NAA15: variants seen among roughly 807,000 people sequenced by gnomAD.
NAA15 encodes N-terminal acetyltransferase.
In NAA15, 34 loss-of-function variants were observed where a neutral mutation model predicts 114.0. The observed-to-expected ratio is 0.30, with a 90% CI of 0.23 to 0.40. The LOEUF is 0.40. Ranked by LOEUF, NAA15 falls within the 10% of genes least tolerant of loss-of-function variation. The pLI, the probability that NAA15 is intolerant of heterozygous loss-of-function variation, is 1.00. For synonymous variants in NAA15, 340 were observed against 338.0 expected, an observed-to-expected ratio of 1.01 and a Z score of -0.06; for missense variants, 658 against 1,004.5, an observed-to-expected ratio of 0.66 and a Z score of 4.66.
At chr4:139,312,692 A>C (rs1000724547) in intron 1 of NAA15, among the ~76,000 whole-genome samples, 19 of 151,596 alleles carry the variant, frequency 1.3e-4, no homozygotes, top group African/African-American at 4.1e-4. Context: ...AAAAATGAAA[A>C]AGTTACTTGG....
At chr4:139,375,031 TCTGTACCCTA>T (rs149150696) in intron 15 of NAA15, among the ~76,000 whole-genome samples, 1,801 of 152,294 alleles carry the variant, frequency 0.012, 12 homozygotes, top group East Asian at 0.029. Flanking sequence ...CTCATTTCAG[TCTGTACCCTA>T]CTGTACCCTA....
chr4:139,309,106 G>C (rs1378049048), intron 1 of NAA15, among the ~76,000 whole-genome samples: 1 of 151,766 alleles, frequency 6.6e-6, no homozygotes, highest in Non-Finnish European at 1.5e-5. Context: ...CCAGCACTTT[G>C]GGAGGCTGAG....
At chr4:139,358,715 A>G (rs915900333) in intron 11 of NAA15, among the ~76,000 whole-genome samples, 3 of 152,204 alleles carry the variant, frequency 2.0e-5, no homozygotes, top group Non-Finnish European at 4.4e-5. Flanking sequence ...AGAATGAGGA[A>G]CATTGGGGAA....
At chr4:139,371,167 GAAAGGCTCA>G (rs1457188776) in intron 15 of NAA15, among the ~76,000 whole-genome samples, 2 of 152,122 alleles carry the variant, frequency 1.3e-5, no homozygotes, top group African/African-American at 4.8e-5. Flanking sequence ...CACTAGTAAG[GAAAGGCTCA>G]AAATCATTTC....
intron 11 of NAA15, among the ~76,000 whole-genome samples, 171 bp from the exon 12 acceptor site, chr4:139,359,572 T>C (rs1322624479): frequency 6.6e-6 from 1 of 152,240 alleles, no homozygotes; most frequent in East Asian, 1.9e-4. Context: ...GAAAAAGGAA[T>C]CAGAACTTAT....
chr4:139,385,915 T>C (rs1748898616), intron 18 of NAA15, among the ~76,000 whole-genome samples: 3 of 152,230 alleles, frequency 2.0e-5, no homozygotes, highest in Non-Finnish European at 4.4e-5. Context: ...TAGATATATG[T>C]GGTATACCTC....
chr4:139,327,792 A>C (rs999670607), intron 1 of NAA15, among the ~76,000 whole-genome samples: 6 of 151,984 alleles, frequency 3.9e-5, no homozygotes, highest in Non-Finnish European at 8.8e-5. Flanking sequence ...CTGCCTCCCT[A>C]GTAGCTAGCA....
At chr4:139,309,220 C>T (rs965159899) in intron 1 of NAA15, among the ~76,000 whole-genome samples, 2 of 151,278 alleles carry the variant, frequency 1.3e-5, no homozygotes, top group African/African-American at 4.9e-5. Context: ...TGGTTGCAGG[C>T]ACCTGTAATC....
chr4:139,377,315 T>A (rs561830755), intron 16 of NAA15, among the ~76,000 whole-genome samples: 3 of 152,204 alleles, frequency 2.0e-5, no homozygotes, highest in South Asian at 4.1e-4. Flanking sequence ...GGCAGGTGGA[T>A]CACCTGAGGT....
At chr4:139,340,384 G>A (rs1276837613) in intron 3 of NAA15, among the ~76,000 whole-genome samples, 1 of 152,108 alleles carries the variant, frequency 6.6e-6, no homozygotes. Flanking sequence ...TTTTATATGT[G>A]GCTGAGTTTT....
At chr4:139,379,281 T>C (rs1456000110) in intron 17 of NAA15, 1 of 152,746 alleles carries the variant, frequency 6.5e-6, no homozygotes, top group African/African-American at 2.4e-5. Flanking sequence ...ATAAAATTTT[T>C]TGTTACTTTA....
chr4:139,332,667 C>G lies in NAA15; in HGVS notation c.55-1507C>G, dbSNP rs1747061971. 5.1e-5 allele frequency among the ~76,000 whole-genome samples: 7 copies of G among 136,236 alleles called. No individual in the cohort carries two copies. The South Asian group carries it at 1.8e-3, about 35-fold the overall frequency. 89.4% of individuals were successfully genotyped at this position (136,236 alleles called of 152,430 possible). On this transcript the variant is annotated intron_variant, in intron 1 of 19. Coordinates refer to ENST00000296543, the MANE Select transcript of NAA15 (RefSeq NM_057175.5). ...GTGCGATCTCTGCTCACTGCAACCTCTGCCTGCTGGGTTCAAATGATTCTC... is the reference window on the plus strand; with the variant it reads ...GTGCGATCTCTGCTCACTGCAACCTGTGCCTGCTGGGTTCAAATGATTCTC...
Position 139,373,426 on chromosome 4 carries a change from C to CAA in NAA15, c.1948-2936_1948-2935dup, listed in dbSNP as rs371346477. On this transcript the variant is annotated intron_variant, in intron 15 of 19. Coordinates refer to ENST00000296543, the MANE Select transcript of NAA15 (RefSeq NM_057175.5). ...ACCACTTACGCAGTTCATTGTTGAC[C>CAA]AAAACATCATTATGTAGCACATGAC... Among the ~76,000 whole-genome samples the CAA allele has an allele frequency of 3.1e-3, 478 of 151,982 alleles. 3 individuals carry two copies. The highest frequency in any genetic ancestry group is 0.011 in the African/African-American group (456 of 41,442).
chr4:139,344,368 T>G, intron 6 of NAA15, 29 bp downstream of exon 6: 1 of 1,571,488 alleles, frequency 6.4e-7, no homozygotes, highest in Non-Finnish European at 8.7e-7. Flanking sequence ...TCATTTATTC[T>G]AATATTGAAA....
At chr4:139,309,557 A>G (rs1746148234) in intron 1 of NAA15, among the ~76,000 whole-genome samples, 1 of 151,866 alleles carries the variant, frequency 6.6e-6, no homozygotes, top group Non-Finnish European at 1.5e-5. Flanking sequence ...ATTATGGTAC[A>G]TGCTACTGCG....
chr4:139,301,615 A>T lies in NAA15; in HGVS notation c.-163A>T. Reference sequence around the variant, plus strand: ...AAAGGAAAAAAGACAACGAGGAAAAAGGAGGTGTCCGGGTAGGGCAACGCG... The same window carrying T: ...AAAGGAAAAAAGACAACGAGGAAAATGGAGGTGTCCGGGTAGGGCAACGCG... On this transcript the variant is annotated 5_prime_UTR_variant, in exon 1 of 20. It adds an upstream start codon to the 5' untranslated region. Transcript: ENST00000296543. 1 of 693,818 alleles carries T rather than the reference A, an allele frequency of 1.4e-6. No homozygotes were observed. Among genetic ancestry groups the T allele is most frequent in the South Asian group, 1.9e-5 (1 of 53,170 alleles). The allele number at this position is 693,818 out of a possible 1,614,324, so 43.0% of individuals were successfully genotyped here.
chr4:139,384,921 A>G lies in NAA15; in HGVS notation c.2245A>G (p.Asn749Asp). 6.4e-7 allele frequency: 1 copy of G among 1,569,484 alleles called. No individual in the cohort carries two copies. The highest frequency in any genetic ancestry group is 8.6e-7 in the Non-Finnish European group (1 of 1,158,124). The change falls in exon 18 of 20, where the codon AAT becomes GAT. Residue 749 changes from asparagine to aspartate, a missense_variant. Asn to Asp is a conservative substitution (Grantham distance 23, BLOSUM62 1). Coordinates refer to ENST00000296543, the MANE Select transcript of NAA15 (RefSeq NM_057175.5). Reference protein sequence around the residue: ...NRLFGATNPKNFNETFLKRNS... With the variant: ...NRLFGATNPKDFNETFLKRNS... ...TCTTTTTGGAGCAACGAATCCAAAG[A>G]ATTTTAATGAAACTTTTCTGAAAAG...
rs535099684 is a variant in NAA15 at position 139,342,709 on chromosome 4, A to G, written c.403-117A>G. ...GTGATCCACCCGCCTTAGCCTCCCA[A>G]AGTGCTGGGATTACAGGCGTGAGCC... On this transcript the variant is annotated intron_variant, in intron 4 of 19. Transcript: ENST00000296543. The G allele has an allele frequency of 1.4e-5, 12 of 884,872 alleles. No homozygotes were observed. In the South Asian group the frequency reaches 1.4e-4, roughly 10 times the overall value. 54.8% of individuals were successfully genotyped at this position (884,872 alleles called of 1,614,324 possible). A position where few individuals can be genotyped will look rare whatever the true frequency, so the allele number is the denominator to read the frequency against.
rs1293703921 is a variant in NAA15 at position 139,390,754 on chromosome 4, T to G, written c.*2670T>G. ...TCAACATTTTTCTGTATCGTATTTA[T>G]TATGCACAAAAATAAAGTGTGATCT... On this transcript the variant is annotated 3_prime_UTR_variant, in exon 20 of 20. Transcript: ENST00000296543. The G allele has an allele frequency of 2.6e-5, 4 of 152,266 alleles. No individual in the cohort carries two copies. The allele number at this position is 152,266 out of a possible 1,614,324, so 9.4% of individuals were successfully genotyped here.
Sources: allele counts gnomAD v4.1 joint callset (sites outside exome capture counted in the v4.1 genomes callset), GRCh38; gene constraint gnomAD v4.1.1; transcripts MANE v1.5; gene names NCBI Gene and HGNC (gene_info 2026-07-23, HGNC 2026-07-21).